Variants in EPS15 observed in about 807,000 individuals in gnomAD.
EPS15 encodes epidermal growth factor receptor substrate 15.
In EPS15, 72 loss-of-function variants were observed where a neutral mutation model predicts 113.8. That is an observed-to-expected ratio of 0.63 (90% confidence interval 0.52 to 0.77). The LOEUF (loss-of-function observed/expected upper bound fraction) is 0.77. EPS15 is among the 30% of genes least tolerant of loss of function. The pLI, the probability that EPS15 is intolerant of heterozygous loss-of-function variation, is 0.00. For synonymous variants in EPS15, 344 were observed against 363.4 expected, an observed-to-expected ratio of 0.95 and a Z score of 0.61; for missense variants, 1,048 against 1,045.8, an observed-to-expected ratio of 1.00 and a Z score of -0.03.
At chr1:51,440,247 G>T in intron 12 of EPS15, 100 bp downstream of exon 12, 1 of 448,456 alleles carries the variant, frequency 2.2e-6, no homozygotes, top group Non-Finnish European at 4.0e-6. Context: ...GGTGTGTGTG[G>T]GGAGGAAGTT....
chr1:51,363,862 A>G lies in EPS15; in HGVS notation c.2359+4T>C, dbSNP rs1426885301. 2 of 1,608,272 alleles carry G rather than the reference A, an allele frequency of 1.2e-6. No homozygotes were observed. The highest frequency in any genetic ancestry group is 1.3e-5 in the African/African-American group (1 of 74,640). ...TGACTGAAGAAAAGTACCAACTCTC[A>G]TACCAGGTGGTAGAGGGCAGGGTCT... On this transcript the variant is annotated splice_donor_region_variant and intron_variant, in intron 23 of 24. Transcript: ENST00000371733.
At position 51,463,714 on chromosome 1, in the gene EPS15, C is replaced by G. The variant is rs1310285933; in HGVS notation, c.460G>C (p.Val154Leu). 6.2e-7 allele frequency: 1 copy of G among 1,601,094 alleles called. No individual in the cohort carries two copies. The highest frequency in any genetic ancestry group is 8.6e-7 in the Non-Finnish European group (1 of 1,168,980). Reference sequence around the variant, plus strand: ...ACAGGTAACTTAGAGTTGAGCAACACTGGTTTCACTTTATCACCAGACAGA... The same window carrying G: ...ACAGGTAACTTAGAGTTGAGCAACAGTGGTTTCACTTTATCACCAGACAGA... ...GFLSGDKVKP[V>L]LLNSKLPVDI... is the part of the protein sequence containing the mutation. Residue 154 changes from valine (V) to leucine (L), a missense_variant, in exon 7 of 25, where the codon GTG becomes CTG. Physicochemically the swap from Val to Leu is conservative, Grantham distance 32. Coordinates refer to ENST00000371733, the MANE Select transcript of EPS15 (RefSeq NM_001981.3).
chr1:51,413,135 C>T (rs1291326180), intron 13 of EPS15, among the ~76,000 whole-genome samples: 1 of 152,112 alleles, frequency 6.6e-6, no homozygotes, highest in Non-Finnish European at 1.5e-5. Context: ...TTCAATGACC[C>T]TATGCCTTTC....
intron 21 of EPS15, among the ~76,000 whole-genome samples, chr1:51,382,787 C>T (rs1646971717): frequency 6.6e-6 from 1 of 152,150 alleles, no homozygotes; most frequent in Non-Finnish European, 1.5e-5. Flanking sequence ...TACATGACTT[C>T]ACGGGTGAAT....
intron 7 of EPS15, among the ~76,000 whole-genome samples, chr1:51,461,548 GT>G (rs1654455826): frequency 8.4e-6 from 1 of 119,230 alleles, no homozygotes; most frequent in Non-Finnish European, 1.8e-5. Flanking sequence ...AAAAAAAAAA[GT>G]GTACTGTTGA....
intron 1 of EPS15, among the ~76,000 whole-genome samples, chr1:51,486,799 C>T (rs113065056): frequency 0.033 from 5,055 of 152,038 alleles, 112 homozygotes; most frequent in Non-Finnish European, 0.05. Context: ...CTCCCTCAGC[C>T]TCCCGCCACC....
At chr1:51,358,695 A>ATTTTTTTTT (rs1646299139) in intron 24 of EPS15, among the ~76,000 whole-genome samples, 2 of 140,396 alleles carry the variant, frequency 1.4e-5, no homozygotes, top group African/African-American at 5.5e-5. Flanking sequence ...TTCCAACCAG[A>ATTTTTTTTT]TTTGTTTTTT....
intron 22 of EPS15, 28 bp from the exon 23 acceptor site, chr1:51,364,056 T>A: frequency 1.3e-6 from 2 of 1,557,952 alleles, no homozygotes; most frequent in Non-Finnish European, 1.7e-6. Context: ...TGGTTATACA[T>A]GGCTATACCA....
intron 20 of EPS15, among the ~76,000 whole-genome samples, chr1:51,398,523 C>T (rs1369186037): frequency 6.6e-6 from 1 of 151,946 alleles, no homozygotes. Flanking sequence ...CACACCAGTA[C>T]CTGGATCAGG....
At chr1:51,470,085 T>C (rs554461226) in intron 4 of EPS15, among the ~76,000 whole-genome samples, 16 of 152,320 alleles carry the variant, frequency 1.1e-4, no homozygotes, top group African/African-American at 3.8e-4. Flanking sequence ...GAGATTCAAT[T>C]ACTCTTAGGT....
In EPS15 at chr1:51,389,965, CT is replaced by C. The variant is rs1377378051; in HGVS notation, c.2119+4415del. Among the ~76,000 whole-genome samples the C allele has an allele frequency of 1.1e-3, 164 of 152,308 alleles. 1 individual carries two copies. Among genetic ancestry groups the C allele is most frequent in the African/African-American group, 3.9e-3 (162 of 41,558 alleles). ...TTCTTCACAGAATTGGAAAAAACTA[CT>C]TTAAAATTCATATGGAACCAAAAAA... On this transcript the variant is annotated intron_variant, in intron 21 of 24. Coordinates refer to ENST00000371733, the MANE Select transcript of EPS15 (RefSeq NM_001981.3).
chr1:51,440,277 C>CTGTGTGTGTGTGTGTGTGTG (rs3040220), intron 12 of EPS15, 70 bp downstream of exon 12: 1 of 429,308 alleles, frequency 2.3e-6, no homozygotes, highest in Admixed American at 3.5e-5. Context: ...TATACATGTA[C>CTGTGTGTGTGTGTGTGTGTG]TGTGTGTGTG....
At chr1:51,459,381 C>T (rs989955680) in intron 8 of EPS15, among the ~76,000 whole-genome samples, 1 of 152,108 alleles carries the variant, frequency 6.6e-6, no homozygotes, top group Admixed American at 6.5e-5. Context: ...TCTGTAATCC[C>T]AGCTACTTGT....
At chr1:51,442,591 C>A (rs757106546) in intron 11 of EPS15, among the ~76,000 whole-genome samples, 1 of 151,762 alleles carries the variant, frequency 6.6e-6, no homozygotes, top group African/African-American at 2.4e-5. Flanking sequence ...TTTTCTCTTA[C>A]CCTATTCTTG....
intron 18 of EPS15, 97 bp from the exon 19 acceptor site, chr1:51,401,050 T>A (rs1051344362): frequency 2.5e-5 from 18 of 718,354 alleles, no homozygotes; most frequent in Non-Finnish European, 3.5e-5. Context: ...CAAAGCAAAG[T>A]TTATTTCAAT....
intron 5 of EPS15, among the ~76,000 whole-genome samples, chr1:51,465,825 C>A (rs906709390): frequency 6.6e-6 from 1 of 151,726 alleles, no homozygotes; most frequent in Non-Finnish European, 1.5e-5. Flanking sequence ...TGCAGAAATT[C>A]TCTAAACTTA....
chr1:51,478,476 G>A (rs1417124244), intron 2 of EPS15, among the ~76,000 whole-genome samples: 1 of 151,546 alleles, frequency 6.6e-6, no homozygotes, highest in East Asian at 1.9e-4. Context: ...ATATTGTTAT[G>A]TGTGAATTTG....
intron 15 of EPS15, among the ~76,000 whole-genome samples, chr1:51,407,674 A>C (rs1262913877): frequency 6.6e-6 from 1 of 152,250 alleles, no homozygotes; most frequent in Non-Finnish European, 1.5e-5. Flanking sequence ...AATTAGAATC[A>C]CAAAACAGAA....
chr1:51,454,942 A>C (rs1653867161), intron 8 of EPS15, among the ~76,000 whole-genome samples: 1 of 152,128 alleles, frequency 6.6e-6, no homozygotes, highest in Non-Finnish European at 1.5e-5. Context: ...AGGAAAAAAA[A>C]AAAAAAGAGC....
Sources: gnomAD v4.1 joint callset for allele counts (sites outside exome capture counted in the v4.1 genomes callset) on GRCh38, gnomAD v4.1.1 for gene constraint, MANE v1.5 for transcripts, NCBI Gene and HGNC (gene_info 2026-07-23, HGNC 2026-07-21) for gene names.